MAPK4: variants seen among roughly 807,000 people sequenced by gnomAD.
MAPK4 encodes Erk3-related.
Under a neutral mutation model 47.7 loss-of-function variants are expected in MAPK4, and 22 were observed. That is an observed-to-expected ratio of 0.46 (90% CI 0.33 to 0.66). The LOEUF is 0.66. Ranked by LOEUF, MAPK4 falls within the 30% of genes least tolerant of loss-of-function variation. The pLI is 0.02. For missense variants in MAPK4, 736 were observed against 831.7 expected (o/e 0.88, Z 1.42); for synonymous variants, 390 against 365.7 (o/e 1.07, Z -0.76).
intron 1 of MAPK4, among the ~76,000 whole-genome samples, chr18:50,573,855 A>G (rs866220337): frequency 3.3e-5 from 5 of 152,160 alleles, no homozygotes; most frequent in Non-Finnish European, 4.4e-5. Flanking sequence ...GTCCTCTTAT[A>G]CCAATGTCTT....
intron 1 of MAPK4, among the ~76,000 whole-genome samples, chr18:50,621,556 A>G (rs1019754705): frequency 5.3e-5 from 8 of 151,988 alleles, no homozygotes; most frequent in Non-Finnish European, 1.0e-4. Flanking sequence ...ATTTTAGCTG[A>G]CTCTCCAAGC....
chr18:50,673,523 T>G (rs1908083113), intron 2 of MAPK4, among the ~76,000 whole-genome samples: 1 of 152,196 alleles, frequency 6.6e-6, no homozygotes, highest in Non-Finnish European at 1.5e-5. Flanking sequence ...AAAGTATATT[T>G]TTTATTCTCA....
intron 1 of MAPK4, among the ~76,000 whole-genome samples, chr18:50,635,656 A>C (rs1380720980): frequency 1.3e-5 from 2 of 151,790 alleles, no homozygotes; most frequent in African/African-American, 4.8e-5. Context: ...GATCTGCAAG[A>C]CTCCGTGGTC....
chr18:50,726,347 A>C (rs754144780), intron 5 of MAPK4, among the ~76,000 whole-genome samples, 172 bp downstream of exon 5: 1 of 152,008 alleles, frequency 6.6e-6, no homozygotes, highest in Non-Finnish European at 1.5e-5. Flanking sequence ...CCAGTAAATG[A>C]CCAGTGTGAG....
At chr18:50,725,200 G>A (rs1911128151) in intron 4 of MAPK4, among the ~76,000 whole-genome samples, 1 of 152,236 alleles carries the variant, frequency 6.6e-6, no homozygotes, top group Non-Finnish European at 1.5e-5. Flanking sequence ...TGGCAGAGCA[G>A]GGGAATTCAG....
intron 1 of MAPK4, among the ~76,000 whole-genome samples, chr18:50,595,537 G>A (rs905514993): frequency 6.6e-5 from 10 of 152,206 alleles, no homozygotes; most frequent in African/African-American, 2.4e-4. Flanking sequence ...TTTGGCGAGG[G>A]TGGGTGGGAA....
intron 2 of MAPK4, among the ~76,000 whole-genome samples, chr18:50,700,781 C>A (rs1053791699): frequency 6.6e-6 from 1 of 152,074 alleles, no homozygotes; most frequent in Non-Finnish European, 1.5e-5. Flanking sequence ...ATTCTCTAGG[C>A]GGGAGTTGGG....
At chr18:50,661,930 G>A (rs1215682268) in intron 1 of MAPK4, among the ~76,000 whole-genome samples, 1 of 152,216 alleles carries the variant, frequency 6.6e-6, no homozygotes, top group East Asian at 1.9e-4. Flanking sequence ...CATCTGTTAA[G>A]CAATTACTAT....
intron 2 of MAPK4, among the ~76,000 whole-genome samples, chr18:50,704,255 A>T (rs1265180268): frequency 6.6e-6 from 1 of 152,170 alleles, no homozygotes; most frequent in African/African-American, 2.4e-5. Flanking sequence ...TATGCCTGTA[A>T]TCCTAGCACT....
intron 1 of MAPK4, among the ~76,000 whole-genome samples, chr18:50,606,086 C>T (rs950257417): frequency 6.6e-6 from 1 of 151,956 alleles, no homozygotes; most frequent in Non-Finnish European, 1.5e-5. Flanking sequence ...GCAGAAATAA[C>T]AGGTATCATG....
intron 1 of MAPK4, among the ~76,000 whole-genome samples, chr18:50,639,087 C>T (rs1019741937): frequency 1.4e-4 from 21 of 152,122 alleles, no homozygotes; most frequent in Admixed American, 8.5e-4. Flanking sequence ...CAAGAGGGGG[C>T]GCCCTGGTAC....
intron 1 of MAPK4, among the ~76,000 whole-genome samples, chr18:50,605,993 A>G (rs1039810258): frequency 2.0e-5 from 3 of 146,586 alleles, no homozygotes; most frequent in Admixed American, 6.8e-5. Context: ...CCTGAACCAC[A>G]GGAAAGTCTG....
intron 2 of MAPK4, among the ~76,000 whole-genome samples, chr18:50,681,021 G>A (rs1908556593): frequency 6.6e-6 from 1 of 152,020 alleles, no homozygotes. Flanking sequence ...ACACTATTTT[G>A]CATTCCCACT....
chr18:50,606,896 C>G (rs2042587345), intron 1 of MAPK4, among the ~76,000 whole-genome samples: 1 of 152,168 alleles, frequency 6.6e-6, no homozygotes, highest in South Asian at 2.1e-4. Flanking sequence ...TGCTGTAATC[C>G]TGGAGGCACA....
At chr18:50,608,265 C>A (rs921137057) in intron 1 of MAPK4, among the ~76,000 whole-genome samples, 10 of 152,198 alleles carry the variant, frequency 6.6e-5, no homozygotes, top group African/African-American at 2.4e-4. Context: ...AAATGTATAA[C>A]ATTTTATTGT....
intron 1 of MAPK4, among the ~76,000 whole-genome samples, chr18:50,597,705 A>G (rs2042495520): frequency 6.6e-6 from 1 of 152,184 alleles, no homozygotes; most frequent in South Asian, 2.1e-4. Context: ...TATGGGGGAA[A>G]TGCCTAATAT....
chr18:50,726,161 C>T lies in MAPK4; in HGVS notation c.1053C>T (p.Asp351=). Residue 351 remains aspartate, a synonymous_variant, in exon 5 of 6, where the codon GAC becomes GAT. Transcript: ENST00000400384. Reference sequence around the variant, plus strand: ...ACCAGAGCCAGCTGTCCAACTGGGACACGTGCAGTTCCAGGTGCTCGCAGC... The same window carrying T: ...ACCAGAGCCAGCTGTCCAACTGGGATACGTGCAGTTCCAGGTGCTCGCAGC... ...AANQSQLSNW[D]TCSSRYPVSL... is the part of the protein sequence containing the mutation. 1 of 1,614,026 alleles carries T rather than the reference C, an allele frequency of 6.2e-7. No homozygotes were observed. The highest frequency in any genetic ancestry group is 8.5e-7 in the Non-Finnish European group (1 of 1,180,030).
Position 50,722,180 on chromosome 18 carries a change from C to A in MAPK4, c.853+81C>A, listed in dbSNP as rs142402530. 9 of 1,486,534 alleles carry A rather than the reference C, an allele frequency of 6.1e-6. No homozygotes were observed. In the East Asian group the frequency reaches 1.9e-4, roughly 31 times the overall value. 92.1% of individuals were successfully genotyped at this position (1,486,534 alleles called of 1,614,324 possible). A position where few individuals can be genotyped will look rare whatever the true frequency, so the allele number is the denominator to read the frequency against. On this transcript the variant is annotated intron_variant, in intron 4 of 5. Coordinates refer to ENST00000400384, the MANE Select transcript of MAPK4 (RefSeq NM_002747.4). ...CTTGCGGGGTAGGGGGCAGGCAGGT[C>A]TCCTTCCAAAAGGGCAAAGCATGGT... is the stretch of plus-strand genomic sequence containing the variant.
intron 1 of MAPK4, among the ~76,000 whole-genome samples, chr18:50,636,209 A>G (rs1358872497): frequency 6.6e-6 from 1 of 152,152 alleles, no homozygotes; most frequent in African/African-American, 2.4e-5. Flanking sequence ...CCTGGCCCCA[A>G]ATCCCTTCAA....
Sources: gnomAD v4.1 joint callset for allele counts (sites outside exome capture counted in the v4.1 genomes callset) on GRCh38, gnomAD v4.1.1 for gene constraint, MANE v1.5 for transcripts, NCBI Gene and HGNC (gene_info 2026-07-23, HGNC 2026-07-21) for gene names.